TM2D2: variants seen among roughly 807,000 people sequenced by gnomAD.
The protein encoded by TM2D2 is TM2 domain-containing protein 2.
In TM2D2, 19 loss-of-function variants were observed where a neutral mutation model predicts 23.0. That is an observed-to-expected ratio of 0.82 (90% CI 0.58 to 1.21). The LOEUF is 1.21. Ranked by LOEUF, TM2D2 falls within the 50% of genes most tolerant of loss-of-function variation. The probability of loss-of-function intolerance (pLI) is 0.00; values close to 1 mark genes in which losing one functional copy is unlikely to be tolerated. For missense variants in TM2D2, 246 were observed against 265.4 expected (o/e 0.93, Z 0.51); for synonymous variants, 120 against 108.8 (o/e 1.10, Z -0.64).
Position 38,996,490 on chromosome 8 carries a change from G to GC in TM2D2, c.-52dup, listed in dbSNP as rs1420706011. ...CGGCCTCAACCACAACCCCAGGCCA[G>GC]CAGCACAGACCCAAGAACTGCGTGG... On this transcript the variant is annotated 5_prime_UTR_variant, in exon 1 of 4. Transcript: ENST00000456397. 6.2e-7 allele frequency: 1 copy of GC among 1,609,288 alleles called. No individual in the cohort carries two copies. Among genetic ancestry groups the GC allele is most frequent in the Non-Finnish European group, 8.5e-7 (1 of 1,177,434 alleles).
At chr8:38,996,808 C>T (rs1228664959), upstream of TM2D2, 14 of 1,432,532 alleles carry the variant, frequency 9.8e-6, no homozygotes, top group Non-Finnish European at 1.2e-5. Flanking sequence ...TGGTTGCCAC[C>T]GCCGGTTTAG....
At chr8:38,996,133 C>G in intron 1 of TM2D2, 80 bp downstream of exon 1, 2 of 1,488,838 alleles carry the variant, frequency 1.3e-6, no homozygotes, top group Non-Finnish European at 1.8e-6. Flanking sequence ...GCAGCGTCCC[C>G]CCAACCCTGC....
Position 38,993,582 on chromosome 8 carries a change from G to A in TM2D2, c.394C>T (p.Pro132Ser), listed in dbSNP as rs779409140. ...TTATTTTCTCGTAGAAAGGTCCTAG[G>A]ACTGGCACACTCAATTCCATCTAAG... ...HALDGIECAS[P>S]RTFLRENKPC... The change falls in exon 3 of 4, where the codon CCT (proline) becomes TCT (serine). Residue 132 changes from proline to serine, a missense_variant. This residue lies in a region of TM2D2 where 212 missense variants were observed against 202.2 expected (regional missense o/e 1.05). Transcript: ENST00000456397. 1 of 1,613,920 alleles carries A rather than the reference G, an allele frequency of 6.2e-7. No homozygotes were observed. The highest frequency in any genetic ancestry group is 1.1e-5 in the South Asian group (1 of 91,072).
At chr8:38,995,482 C>T in intron 1 of TM2D2, 77 bp from the exon 2 acceptor site, 1 of 1,588,250 alleles carries the variant, frequency 6.3e-7, no homozygotes, top group African/African-American at 1.4e-5. Context: ...GTAATCAAAA[C>T]GGGCAAAAGA....
In TM2D2 at chr8:38,993,645, A is replaced by G; in HGVS notation, c.331T>C (p.Tyr111His). 1 of 1,613,422 alleles carries G rather than the reference A, an allele frequency of 6.2e-7. No individual in the cohort carries two copies. Among genetic ancestry groups the G allele is most frequent in the South Asian group, 1.1e-5 (1 of 91,062 alleles). ...YGCLKFGGQAYSDVEHTSVQC... is the reference protein window; with the variant it reads ...YGCLKFGGQAHSDVEHTSVQC... ...ACTGAAGTGTGTTCCACGTCGCTGT[A>G]GGCCTGACCGCCGAACTGTGGAATA... Residue 111 changes from tyrosine to histidine, a missense_variant, in exon 3 of 4, where the codon TAC (tyrosine) becomes CAC (histidine). This residue lies in a region of TM2D2 where 212 missense variants were observed against 202.2 expected (regional missense o/e 1.05). Transcript: ENST00000456397.
At chr8:38,991,664 C>A in intron 3 of TM2D2, 119 bp from the exon 4 acceptor site, 1 of 781,732 alleles carries the variant, frequency 1.3e-6, no homozygotes, top group Non-Finnish European at 2.1e-6. Context: ...GCCTTTTACC[C>A]TCCATTTTGT....
rs965501360 is a variant in TM2D2 at position 38,989,568 on chromosome 8, C to G, written c.*1764G>C. ...CTCCTGACCTTAAAGGATTCACCTGCCTCGGCCTCCCAAAGTGCAGGGATT... is the reference window on the plus strand; with the variant it reads ...CTCCTGACCTTAAAGGATTCACCTGGCTCGGCCTCCCAAAGTGCAGGGATT... On this transcript the variant is annotated 3_prime_UTR_variant, in exon 4 of 4. Transcript: ENST00000456397. The G allele has an allele frequency of 6.6e-6, 1 of 152,208 alleles. No homozygotes were observed. The highest frequency in any genetic ancestry group is 1.5e-5 in the Non-Finnish European group (1 of 68,078). 9.4% of individuals were successfully genotyped at this position (152,208 alleles called of 1,614,324 possible).
At chr8:38,994,344 A>G (rs1232035460) in intron 2 of TM2D2, among the ~76,000 whole-genome samples, 1 of 152,128 alleles carries the variant, frequency 6.6e-6, no homozygotes, top group Admixed American at 6.6e-5. Flanking sequence ...GCTTATTACT[A>G]TTTTCATTGG....
At chr8:38,996,634 C>G (rs1044675240), upstream of TM2D2, 1 of 1,433,474 alleles carries the variant, frequency 7.0e-7, no homozygotes, top group Non-Finnish European at 9.1e-7. Flanking sequence ...ACGGGCGGGG[C>G]TACTCCGCCC....
chr8:38,990,928 A>G lies in TM2D2; in HGVS notation c.*404T>C, dbSNP rs1394426133. On this transcript the variant is annotated 3_prime_UTR_variant, in exon 4 of 4. Coordinates refer to ENST00000456397, the MANE Select transcript of TM2D2 (RefSeq NM_078473.3). ...ATTGTTCAGCTTCAGATCTCCTTGC[A>G]TGAAGACTCAGGGTCACAAGAGGAA... 2 of 197,090 alleles carry G rather than the reference A, an allele frequency of 1.0e-5. No homozygotes were observed. The highest frequency in any genetic ancestry group is 1.1e-4 in the Admixed American group (2 of 18,530). The allele number at this position is 197,090 out of a possible 1,614,324, so 12.2% of individuals were successfully genotyped here. A position where few individuals can be genotyped will look rare whatever the true frequency, so the allele number is the denominator to read the frequency against.
rs565548859 is a variant in TM2D2, at chr8:38,995,299, C to G, written c.315+19G>C. ...TTCGTTATCGAAGGGTTTGCTCTTACGACAAAACAAAAACTCACCTTGAGA... is the reference window on the plus strand; with the variant it reads ...TTCGTTATCGAAGGGTTTGCTCTTAGGACAAAACAAAAACTCACCTTGAGA... On this transcript the variant is annotated intron_variant, in intron 2 of 3. Transcript: ENST00000456397. 25 of 1,550,104 alleles carry G rather than the reference C, an allele frequency of 1.6e-5. No homozygotes were observed. Among genetic ancestry groups the G allele is most frequent in the Non-Finnish European group, 2.2e-5 (25 of 1,143,244 alleles).
In TM2D2 at chr8:38,990,579, A is replaced by C. The variant is rs1326536867; in HGVS notation, c.*753T>G. On this transcript the variant is annotated 3_prime_UTR_variant, in exon 4 of 4. Transcript: ENST00000456397. ...TGGGCTGGTAAACGCTGATTTTTAG[A>C]TTGGACAATTCTGCCAGGAGGAATA... 6.6e-6 allele frequency: 1 copy of C among 152,228 alleles called. No homozygotes were observed. The highest frequency in any genetic ancestry group is 2.4e-5 in the African/African-American group (1 of 41,458). The allele number at this position is 152,228 out of a possible 1,614,324, so 9.4% of individuals were successfully genotyped here.
At position 38,996,273 on chromosome 8, in the gene TM2D2, C is replaced by G. The variant is rs756146562; in HGVS notation, c.167G>C (p.Gly56Ala). Residue 56 changes from glycine (G) to alanine (A), a missense_variant, in exon 1 of 4, where the codon GGG becomes GCG. Around this residue, in one of 2 missense-constraint regions of TM2D2, gnomAD observed 212 missense variants for 202.2 expected, o/e 1.05. Transcript: ENST00000456397. ...GCCATATTCCCAGCTCGCAGCACCC[C>G]CGGGGCCCTCCGGCTGGGCGGCGCC... The part of the protein sequence containing the change: ...SAGAAQPEGP[G>A]GAASWEYGDP... 2 of 1,614,022 alleles carry G rather than the reference C, an allele frequency of 1.2e-6. No individual in the cohort carries two copies. The highest frequency in any genetic ancestry group is 1.7e-6 in the Non-Finnish European group (2 of 1,179,994).
In TM2D2 at chr8:38,996,267, G is replaced by A. The variant is rs750675212; in HGVS notation, c.173C>T (p.Ala58Val). The change falls in exon 1 of 4, where the codon GCT becomes GTT. Residue 58 changes from alanine to valine, a missense_variant. Physicochemically the swap from Ala to Val is moderately conservative, Grantham distance 64. Coordinates refer to ENST00000456397, the MANE Select transcript of TM2D2 (RefSeq NM_078473.3). ...GGGGTCGCCATATTCCCAGCTCGCA[G>A]CACCCCCGGGGCCCTCCGGCTGGGC... ...GAAQPEGPGG[A>V]ASWEYGDPHS... is the part of the protein sequence containing the mutation. 1 of 1,613,972 alleles carries A rather than the reference G, an allele frequency of 6.2e-7. No homozygotes were observed. Among genetic ancestry groups the A allele is most frequent in the East Asian group, 2.2e-5 (1 of 44,892 alleles).
At chr8:38,995,609 A>G in intron 1 of TM2D2, 1 of 1,466,492 alleles carries the variant, frequency 6.8e-7, no homozygotes, top group Non-Finnish European at 9.0e-7. Context: ...CTTTTGTTGG[A>G]GAAGGGAGGT....
upstream of TM2D2, chr8:38,996,655 C>T: frequency 1.4e-6 from 2 of 1,429,718 alleles, no homozygotes; most frequent in Non-Finnish European, 1.8e-6. Flanking sequence ...TCTGCTTCTG[C>T]TTCTCGATTC....
In TM2D2 at chr8:38,991,275, A is replaced by T; in HGVS notation, c.*57T>A. 7.1e-7 allele frequency: 1 copy of T among 1,399,924 alleles called. No individual in the cohort carries two copies. The highest frequency in any genetic ancestry group is 1.0e-6 in the Non-Finnish European group (1 of 999,824). The allele number at this position is 1,399,924 out of a possible 1,614,324, so 86.7% of individuals were successfully genotyped here. On this transcript the variant is annotated 3_prime_UTR_variant, in exon 4 of 4. Coordinates refer to ENST00000456397, the MANE Select transcript of TM2D2 (RefSeq NM_078473.3). The stretch of plus-strand genomic sequence containing the variant: ...AAAGAGGAGTTTTGAGCCTGTAGAG[A>T]TGAATTCAGAAGACGGAGCTTTCAC...
At chr8:38,992,019 C>T (rs530029033) in intron 3 of TM2D2, among the ~76,000 whole-genome samples, 14 of 152,142 alleles carry the variant, frequency 9.2e-5, no homozygotes, top group African/African-American at 3.4e-4. Context: ...AGGCCAGAAA[C>T]AGAAGATATG....
At position 38,991,582 on chromosome 8, in the gene TM2D2, C is replaced by G. The variant is rs764165742; in HGVS notation, c.432-37G>C. ...GAATGAAAAGGAAGATGTTTTACTG[C>G]ACGAAAATTTAAACCCTTAAGGATT... On this transcript the variant is annotated intron_variant, in intron 3 of 3. Coordinates refer to ENST00000456397, the MANE Select transcript of TM2D2 (RefSeq NM_078473.3). The G allele has an allele frequency of 5.3e-6, 8 of 1,511,576 alleles. No individual in the cohort carries two copies. In the Admixed American group the frequency reaches 1.4e-4, roughly 26 times the overall value. 93.6% of individuals were successfully genotyped at this position (1,511,576 alleles called of 1,614,324 possible).
Sources: gnomAD v4.1 joint callset for allele counts (sites outside exome capture counted in the v4.1 genomes callset) on GRCh38, gnomAD v4.1.1 for gene constraint, gnomAD v4.1.1 regional missense constraint, MANE v1.5 for transcripts, NCBI Gene and HGNC (gene_info 2026-07-23, HGNC 2026-07-21) for gene names.